The following PRDM8 variants were observed in gnomAD, a reference collection of about 807,000 sequenced individuals.
PRDM8 encodes the protein PR/SET domain 8.
PRDM8 carries 13 observed loss-of-function variants against 46.5 expected under a neutral mutation model. The observed-to-expected ratio is 0.28, with a 90% CI of 0.18 to 0.44. The LOEUF is 0.44. PRDM8 is among the 20% of genes least tolerant of loss of function. The probability of loss-of-function intolerance (pLI) is 1.00; values close to 1 mark genes in which losing one functional copy is unlikely to be tolerated. For synonymous variants in PRDM8, 473 were observed against 438.4 expected, an observed-to-expected ratio of 1.08 and a Z score of -0.98; for missense variants, 998 against 955.0, an observed-to-expected ratio of 1.04 and a Z score of -0.59.
intron 1 of PRDM8, 85 bp from the exon 2 acceptor site, chr4:80,199,994 C>A: frequency 9.3e-7 from 1 of 1,080,648 alleles, no homozygotes; most frequent in Non-Finnish European, 1.4e-6. Flanking sequence ...GAAAATCTAC[C>A]TAGTATTTGG....
chr4:80,201,152 T>C, intron 2 of PRDM8, 138 bp from the exon 3 acceptor site: 1 of 777,680 alleles, frequency 1.3e-6, no homozygotes, highest in South Asian at 1.8e-5. Context: ...GGGCCAAACT[T>C]TTGGAAGCGT....
upstream of PRDM8, among the ~76,000 whole-genome samples, chr4:80,194,435 C>A (rs192281319): frequency 6.6e-6 from 1 of 152,238 alleles, no homozygotes; most frequent in Admixed American, 6.5e-5. Flanking sequence ...TCAGTGAATT[C>A]CAGTAAGTAT....
rs116684530 is a variant in PRDM8, at chr4:80,203,655, T to C, written c.*123T>C. 11,977 of 1,410,924 alleles carry C rather than the reference T, an allele frequency of 8.5e-3. 881 individuals are homozygous for C. In the African/African-American group the frequency reaches 0.16, roughly 18 times the overall value. 87.4% of individuals were successfully genotyped at this position (1,410,924 alleles called of 1,614,324 possible). ...AAACCCTGCACAAAGACACATACAT[T>C]CACCGCCCCCCCGCCCCCCCAACGC... On this transcript the variant is annotated 3_prime_UTR_variant, in exon 4 of 4. Transcript: ENST00000415738.
At chr4:80,186,517 G>C (rs994188018) in intron 1 of PRDM8, among the ~76,000 whole-genome samples, 1 of 150,874 alleles carries the variant, frequency 6.6e-6, no homozygotes, top group African/African-American at 2.4e-5. Flanking sequence ...CTAATGTGGA[G>C]TTGCTCCCTG....
chr4:80,199,620 G>A (rs1738267478), intron 1 of PRDM8, among the ~76,000 whole-genome samples: 1 of 151,874 alleles, frequency 6.6e-6, no homozygotes, highest in South Asian at 2.1e-4. Context: ...TAGGCAGACA[G>A]GCACTTTCCC....
In PRDM8 at chr4:80,203,543, A is replaced by T. The variant is rs746054741; in HGVS notation, c.*11A>T. 6.3e-7 allele frequency: 1 copy of T among 1,597,628 alleles called. No homozygotes were observed. Among genetic ancestry groups the T allele is most frequent in the Non-Finnish European group, 8.5e-7 (1 of 1,170,792 alleles). ...ACCTCGCATAATTGACTCGGAAAGG[A>T]CCCCAGCTTTCCACGCGCGCGCAAG... On this transcript the variant is annotated 3_prime_UTR_variant, in exon 4 of 4. Coordinates refer to ENST00000415738, the MANE Select transcript of PRDM8 (RefSeq NM_001099403.2).
intron 1 of PRDM8, among the ~76,000 whole-genome samples, chr4:80,185,706 A>T (rs997735156): frequency 6.6e-6 from 1 of 152,182 alleles, no homozygotes; most frequent in African/African-American, 2.4e-5. Flanking sequence ...TGCAATACGG[A>T]TGAGTTCAGA....
intron 2 of PRDM8, 24 bp downstream of exon 2, chr4:80,200,323 A>G (rs374128107): frequency 1.5e-4 from 227 of 1,565,054 alleles, no homozygotes; most frequent in Non-Finnish European, 1.8e-4. Context: ...GTAGCTGTGT[A>G]GGTGTATGAG....
chr4:80,195,534 A>G (rs946928927), upstream of PRDM8, among the ~76,000 whole-genome samples: 3 of 142,950 alleles, frequency 2.1e-5, no homozygotes, highest in Admixed American at 6.7e-5. Flanking sequence ...GTGTGTGTGT[A>G]GAGAGAGAGA....
At chr4:80,187,340 C>A (rs1178888372) in intron 1 of PRDM8, among the ~76,000 whole-genome samples, 1 of 150,408 alleles carries the variant, frequency 6.6e-6, no homozygotes, top group Non-Finnish European at 1.5e-5. Flanking sequence ...TATTATTGTC[C>A]ATTATTTTAT....
chr4:80,196,287 GGT>G, upstream of PRDM8: 2 of 978,166 alleles, frequency 2.0e-6, no homozygotes, highest in Non-Finnish European at 2.4e-6. Context: ...AAGTAGTGGT[GGT>G]GTGTGTGGGG....
At chr4:80,199,699 A>C in intron 1 of PRDM8, among the ~76,000 whole-genome samples, 1 of 79,830 alleles carries the variant, frequency 1.3e-5, no homozygotes, top group South Asian at 4.2e-4. Context: ...ATATATGTAT[A>C]TATATATATA....
chr4:80,202,710 T>C lies in PRDM8; in HGVS notation c.1248T>C (p.Ala416=), dbSNP rs1305779890. Residue 416 remains alanine (A), a synonymous_variant, in exon 4 of 4, where the codon GCT becomes GCC. Transcript: ENST00000415738. The stretch of plus-strand genomic sequence containing the variant: ...GAGTCGCCTCCGAGGACCAGGACGC[T>C]GGCGGCGGCGGCGGCTCCTCCACGC... ...GAGVASEDQD[A]GGGGGSSTPA... is the part of the protein sequence containing the mutation. The C allele has an allele frequency of 4.7e-6, 6 of 1,273,288 alleles. No individual in the cohort carries two copies. The highest frequency in any genetic ancestry group is 5.9e-6 in the Non-Finnish European group (6 of 1,012,890). 78.9% of individuals were successfully genotyped at this position (1,273,288 alleles called of 1,614,324 possible).
intron 1 of PRDM8, 24 bp downstream of exon 1, chr4:80,197,787 G>A: frequency 1.0e-6 from 1 of 985,200 alleles, no homozygotes; most frequent in Non-Finnish European, 1.2e-6. Context: ...CATTGATGTG[G>A]GAGGGGGATG....
At chr4:80,187,247 G>GGGGGGGGT (rs140564610) in intron 1 of PRDM8, among the ~76,000 whole-genome samples, 2 of 119,788 alleles carry the variant, frequency 1.7e-5, no homozygotes, top group Non-Finnish European at 1.9e-5. Context: ...TCTGCCCTGG[G>GGGGGGGGT]GCGGGGGGAA....
At chr4:80,198,860 C>T (rs1738173273) in intron 1 of PRDM8, among the ~76,000 whole-genome samples, 1 of 151,910 alleles carries the variant, frequency 6.6e-6, no homozygotes, top group Non-Finnish European at 1.5e-5. Flanking sequence ...TAAATAATTG[C>T]CAACAGTGAC....
In PRDM8 at chr4:80,202,480, C is replaced by T; in HGVS notation, c.1018C>T (p.Pro340Ser). Residue 340 changes from proline (P) to serine (S), a missense_variant, in exon 4 of 4, where the codon CCC becomes TCC. Physicochemically the swap from Pro to Ser is moderately conservative, Grantham distance 74 (BLOSUM62 -1). Coordinates refer to ENST00000415738, the MANE Select transcript of PRDM8 (RefSeq NM_001099403.2). ...GGGCCGGGGCCGCTTCGTAGAGCGG[C>T]CCCTCCCGGCCTCCAAGGAGGATCT... ...VGGRGRFVER[P>S]LPASKEDLVC... is the part of the protein sequence containing the mutation. 6.5e-7 allele frequency: 1 copy of T among 1,538,696 alleles called. No homozygotes were observed. The highest frequency in any genetic ancestry group is 8.7e-7 in the Non-Finnish European group (1 of 1,144,438).
chr4:80,199,709 A>ATATG lies in PRDM8; in HGVS notation c.-2-369_-2-368insATGT, dbSNP rs370819149. On this transcript the variant is annotated intron_variant, in intron 1 of 3. Coordinates refer to ENST00000415738, the MANE Select transcript of PRDM8 (RefSeq NM_001099403.2). ...ATTATATATATGTATATATATATAT[A>ATATG]TGTGTGTGTGTGTGTGTGTGTGTGT... is the stretch of plus-strand genomic sequence containing the variant. Among the ~76,000 whole-genome samples, 930 of 132,996 alleles carry ATATG rather than the reference A, an allele frequency of 7.0e-3. 6 individuals are homozygous for ATATG. Among genetic ancestry groups the ATATG allele is most frequent in the East Asian group, 9.6e-3 (43 of 4,476 alleles). The allele number at this position is 132,996 out of a possible 152,430, so 87.3% of individuals were successfully genotyped here.
chr4:80,201,346 CCAAT>C lies in PRDM8; in HGVS notation c.278_281del (p.Gln93ArgfsTer14), dbSNP rs1738424980. 1 of 1,614,080 alleles carries C rather than the reference CCAAT, an allele frequency of 6.2e-7. No homozygotes were observed. The highest frequency in any genetic ancestry group is 1.3e-5 in the African/African-American group (1 of 74,918). ...AAGGTCTCATGTGGCTGCGGTTGGT[CCAAT>C]CGGCCAGAGATAAGGAAGAGCAGAA... On this transcript the variant is annotated frameshift_variant, in exon 3 of 4. Transcript: ENST00000415738. LOFTEE classifies it high-confidence loss of function.
Sources: allele counts gnomAD v4.1 joint callset (sites outside exome capture counted in the v4.1 genomes callset), GRCh38; gene constraint gnomAD v4.1.1; transcripts MANE v1.5; gene names NCBI Gene and HGNC (gene_info 2026-07-23, HGNC 2026-07-21).